ANKRD55: variants seen among roughly 807,000 people sequenced by gnomAD.
The protein encoded by ANKRD55 is ankyrin repeat domain-containing protein 55.
In ANKRD55, 41 loss-of-function variants were observed where a neutral mutation model predicts 60.6. The ratio of observed to expected loss-of-function variants is 0.68; its 90% CI spans 0.53 to 0.88. The LOEUF (loss-of-function observed/expected upper bound fraction) is 0.88, where lower values mean the gene tolerates loss of function less well. Ranked by LOEUF, ANKRD55 falls within the 40% of genes least tolerant of loss-of-function variation. The pLI is 0.00. For synonymous variants in ANKRD55, 264 were observed against 290.3 expected (o/e 0.91, Z 0.92); for missense variants, 732 against 767.6 (o/e 0.95, Z 0.55).
At chr5:56,228,228 TG>T (rs1387904339) in intron 2 of ANKRD55, among the ~76,000 whole-genome samples, 1 of 152,094 alleles carries the variant, frequency 6.6e-6, no homozygotes, top group African/African-American at 2.4e-5. Context: ...ATTATCTGGG[TG>T]GTCCCTAAAT....
chr5:56,187,635 A>C (rs1271935886), intron 2 of ANKRD55, among the ~76,000 whole-genome samples: 2 of 152,234 alleles, frequency 1.3e-5, no homozygotes, highest in Non-Finnish European at 2.9e-5. Flanking sequence ...TGATCCAGCG[A>C]GGCACCCATT....
intron 5 of ANKRD55, among the ~76,000 whole-genome samples, chr5:56,168,812 G>C (rs1411822697): frequency 6.6e-6 from 1 of 152,200 alleles, no homozygotes; most frequent in Non-Finnish European, 1.5e-5. Flanking sequence ...CCATGTGGCA[G>C]GGAGCCACCT....
rs184854122 is a variant in ANKRD55, at chr5:56,129,670, C to T, written c.613-2564G>A. On this transcript the variant is annotated intron_variant, in intron 7 of 11. Coordinates refer to ENST00000341048, the MANE Select transcript of ANKRD55 (RefSeq NM_024669.3). Reference sequence around the variant, plus strand: ...GTGACCTTCAAAGGAGTCTAGTGGGCGATTTAAGACTAGTTGCTTATTTGC... The same window carrying T: ...GTGACCTTCAAAGGAGTCTAGTGGGTGATTTAAGACTAGTTGCTTATTTGC... Among the ~76,000 whole-genome samples, 7 of 152,204 alleles carry T rather than the reference C, an allele frequency of 4.6e-5. No individual in the cohort carries two copies. The East Asian group carries it at 9.6e-4, about 21-fold the overall frequency.
chr5:56,118,169 G>A (rs1756933861), intron 8 of ANKRD55, among the ~76,000 whole-genome samples: 1 of 151,700 alleles, frequency 6.6e-6, no homozygotes. Flanking sequence ...GTCCTTCATT[G>A]GCCAAAAGGT....
chr5:56,168,390 A>T (rs1480396142), intron 5 of ANKRD55, among the ~76,000 whole-genome samples: 1 of 152,196 alleles, frequency 6.6e-6, no homozygotes, highest in East Asian at 1.9e-4. Context: ...CTCCGCTCTC[A>T]TTAGTCACTT....
At chr5:56,159,729 A>T (rs1286789218) in intron 6 of ANKRD55, 104 bp downstream of exon 6, 32 of 1,134,000 alleles carry the variant, frequency 2.8e-5, no homozygotes, top group Non-Finnish European at 4.1e-5. Flanking sequence ...ACCATGCCTC[A>T]TGTCTCCCCG....
At chr5:56,192,926 A>G in intron 2 of ANKRD55, 1 of 633,530 alleles carries the variant, frequency 1.6e-6, no homozygotes, top group Non-Finnish European at 2.8e-6. Context: ...AGAAGAAAAT[A>G]AAGACTTCCG....
At chr5:56,220,597 C>T (rs1759934866) in intron 2 of ANKRD55, among the ~76,000 whole-genome samples, 1 of 152,182 alleles carries the variant, frequency 6.6e-6, no homozygotes, top group African/African-American at 2.4e-5. Flanking sequence ...GGCAGATCAC[C>T]TGAGGTCAGG....
At chr5:56,228,487 G>A (rs542243347) in intron 2 of ANKRD55, among the ~76,000 whole-genome samples, 6 of 151,308 alleles carry the variant, frequency 4.0e-5, no homozygotes, top group East Asian at 3.9e-4. Context: ...GTGCAGTGGC[G>A]CGATCTTGGC....
intron 2 of ANKRD55, 35 bp downstream of exon 2, chr5:56,232,821 T>C (rs1332615377): frequency 1.9e-6 from 3 of 1,604,614 alleles, no homozygotes; most frequent in South Asian, 2.2e-5. Context: ...CTAAGGATGC[T>C]AACAACCAAA....
chr5:56,149,169 G>A (rs1314226296), intron 6 of ANKRD55, among the ~76,000 whole-genome samples: 2 of 152,086 alleles, frequency 1.3e-5, no homozygotes, highest in Admixed American at 1.3e-4. Context: ...AGAAAGCTTA[G>A]TAAATTAATT....
At chr5:56,173,576 C>CTATATA (rs1165005774) in intron 4 of ANKRD55, among the ~76,000 whole-genome samples, 70 of 85,396 alleles carry the variant, frequency 8.2e-4, no homozygotes, top group African/African-American at 2.1e-3. Flanking sequence ...CTCTCTCTCT[C>CTATATA]TCTCTCTATA....
Position 56,208,948 on chromosome 5 carries a change from T to C in ANKRD55, c.58+23908A>G, listed in dbSNP as rs1325986308. 7.5e-5 allele frequency among the ~76,000 whole-genome samples: 11 copies of C among 146,592 alleles called. No individual in the cohort carries two copies. The East Asian group carries it at 2.1e-3, about 28-fold the overall frequency. Reference sequence around the variant, plus strand: ...GAGGTACATGACTGTATAGTTTTGTTTTTTGCTCTTTTTCACTTTTTTTTT... The same window carrying C: ...GAGGTACATGACTGTATAGTTTTGTCTTTTGCTCTTTTTCACTTTTTTTTT... On this transcript the variant is annotated intron_variant, in intron 2 of 11. Transcript: ENST00000341048.
rs371919597 is a variant in ANKRD55 at position 56,155,984 on chromosome 5, G to A, written c.483+3849C>T. Among the ~76,000 whole-genome samples the A allele has an allele frequency of 3.5e-3, 527 of 152,072 alleles. 2 individuals carry two copies. The highest frequency in any genetic ancestry group is 0.012 in the African/African-American group (514 of 41,460). ...CTATGTTTTGTTTTAAATCTTCAGT[G>A]ATTTAAAGCAAAACCTCAGGGGAAA... On this transcript the variant is annotated intron_variant, in intron 6 of 11. Coordinates refer to ENST00000341048, the MANE Select transcript of ANKRD55 (RefSeq NM_024669.3).
chr5:56,205,783 A>G (rs550997059), intron 2 of ANKRD55, among the ~76,000 whole-genome samples: 224 of 152,202 alleles, frequency 1.5e-3, no homozygotes, highest in African/African-American at 5.3e-3. Context: ...TTAAGAAAAC[A>G]AGTGTAATTT....
intron 6 of ANKRD55, among the ~76,000 whole-genome samples, chr5:56,145,313 T>C (rs559353729): frequency 6.6e-6 from 1 of 152,284 alleles, no homozygotes; most frequent in South Asian, 2.1e-4. Context: ...GTCCTTGCCA[T>C]TGGAATGTGG....
chr5:56,157,642 G>A (rs1758226676), intron 6 of ANKRD55, among the ~76,000 whole-genome samples: 1 of 152,172 alleles, frequency 6.6e-6, no homozygotes, highest in Admixed American at 6.5e-5. Context: ...TTATGTATGT[G>A]CACATCAAAA....
intron 8 of ANKRD55, among the ~76,000 whole-genome samples, chr5:56,126,324 G>A (rs1361686603): frequency 6.6e-6 from 1 of 152,036 alleles, no homozygotes; most frequent in Admixed American, 6.6e-5. Flanking sequence ...GTTTAGATAA[G>A]CAGGGCATTA....
chr5:56,177,286 T>C (rs1758757325), intron 3 of ANKRD55, among the ~76,000 whole-genome samples: 1 of 152,140 alleles, frequency 6.6e-6, no homozygotes, highest in South Asian at 2.1e-4. Context: ...CTTTCAGTCA[T>C]CTGTACTGGG....
Sources: allele counts gnomAD v4.1 joint callset (sites outside exome capture counted in the v4.1 genomes callset), GRCh38; gene constraint gnomAD v4.1.1; transcripts MANE v1.5; gene names NCBI Gene and HGNC (gene_info 2026-07-23, HGNC 2026-07-21).